Variants in ATP2C2 observed in about 807,000 individuals in gnomAD.
The protein encoded by ATP2C2 is ATPase secretory pathway Ca2+ transporting 2, also known as calcium-transporting ATPase type 2C member 2.
ATP2C2 carries 171 observed loss-of-function variants against 110.8 expected under a neutral mutation model. The observed-to-expected ratio is 1.54, with a 90% CI of 1.36 to 1.75. The LOEUF is 1.75. ATP2C2 is among the 40% of genes most tolerant of loss of function. ATP2C2 has a pLI of 0.00. For missense variants in ATP2C2, 1,963 were observed against 1,235.0 expected (o/e 1.59, Z -8.84); for synonymous variants, 804 against 508.4 (o/e 1.58, Z -7.82).
chr16:84,458,521 A>AC (rs1910913121), intron 21 of ATP2C2, among the ~76,000 whole-genome samples: 1 of 151,450 alleles, frequency 6.6e-6, no homozygotes, highest in Non-Finnish European at 1.5e-5. Context: ...TAAATAAAAA[A>AC]AAAGTCATAA....
intron 1 of ATP2C2, among the ~76,000 whole-genome samples, chr16:84,369,838 G>A (rs553981446): frequency 6.6e-6 from 1 of 152,330 alleles, no homozygotes; most frequent in Admixed American, 6.5e-5. Flanking sequence ...GTCTTAGGGT[G>A]GTAGGCCACA....
intron 11 of ATP2C2, among the ~76,000 whole-genome samples, chr16:84,437,330 A>C (rs1256861604): frequency 6.6e-6 from 1 of 151,872 alleles, no homozygotes; most frequent in African/African-American, 2.4e-5. Flanking sequence ...AGTAGCTGGG[A>C]TTATAGGTGC....
Position 84,388,355 on chromosome 16 carries a change from C to G in ATP2C2, c.100-10144C>G, listed in dbSNP as rs184073701. ...AAAAAGAAAGAAAAACTAGTATCAA[C>G]CTTTGAACACATCAGTCAGAGTCCT... On this transcript the variant is annotated intron_variant, in intron 1 of 26. Transcript: ENST00000262429. 4.9e-4 allele frequency among the ~76,000 whole-genome samples: 75 copies of G among 152,122 alleles called. 1 individual carries two copies. Among genetic ancestry groups the G allele is most frequent in the African/African-American group, 1.7e-3 (69 of 41,498 alleles).
chr16:84,420,349 C>G (rs1379846062), intron 7 of ATP2C2, among the ~76,000 whole-genome samples: 1 of 152,112 alleles, frequency 6.6e-6, no homozygotes, highest in East Asian at 1.9e-4. Context: ...CCCATCAGTC[C>G]AAACCCACAC....
chr16:84,370,220 T>C (rs1387153137), intron 1 of ATP2C2, among the ~76,000 whole-genome samples: 1 of 152,206 alleles, frequency 6.6e-6, no homozygotes, highest in Non-Finnish European at 1.5e-5. Flanking sequence ...TCCAAAGCTT[T>C]GCAGGAGAGT....
chr16:84,383,013 A>C (rs1198521581), intron 1 of ATP2C2, among the ~76,000 whole-genome samples: 1 of 152,072 alleles, frequency 6.6e-6, no homozygotes, highest in Non-Finnish European at 1.5e-5. Flanking sequence ...AAGAGTCTAC[A>C]GCTGGAGACA....
intron 21 of ATP2C2, among the ~76,000 whole-genome samples, 187 bp downstream of exon 21, chr16:84,455,171 G>A (rs1310037109): frequency 6.6e-6 from 1 of 152,066 alleles, no homozygotes; most frequent in Non-Finnish European, 1.5e-5. Flanking sequence ...TCATAGCAGG[G>A]TCATGGGGTC....
At chr16:84,371,496 C>A (rs768617140) in intron 1 of ATP2C2, among the ~76,000 whole-genome samples, 11 of 152,268 alleles carry the variant, frequency 7.2e-5, no homozygotes, top group Non-Finnish European at 1.6e-4. Context: ...CAGAGTGAGA[C>A]CCTGTCTCAA....
chr16:84,404,437 A>C (rs1905570366), intron 2 of ATP2C2: 1 of 161,532 alleles, frequency 6.2e-6, no homozygotes, highest in Non-Finnish European at 1.4e-5. Context: ...GAATCAACAG[A>C]ATTTGTCTTT....
chr16:84,444,427 C>G (rs1199761317), intron 15 of ATP2C2, among the ~76,000 whole-genome samples: 1 of 152,120 alleles, frequency 6.6e-6, no homozygotes, highest in East Asian at 1.9e-4. Context: ...GAGCCGAGAT[C>G]GTACCATTGC....
At chr16:84,413,039 A>G (rs974340389) in intron 6 of ATP2C2, among the ~76,000 whole-genome samples, 1 of 151,580 alleles carries the variant, frequency 6.6e-6, no homozygotes, top group Non-Finnish European at 1.5e-5. Flanking sequence ...TGGAGGTTGC[A>G]GTGAGCCAAG....
chr16:84,395,813 T>C (rs1184250627), intron 1 of ATP2C2, among the ~76,000 whole-genome samples: 2 of 152,210 alleles, frequency 1.3e-5, no homozygotes, highest in African/African-American at 2.4e-5. Context: ...TTCTTCTGGA[T>C]TTTTATTGTG....
chr16:84,425,412 G>A (rs1459034759), intron 10 of ATP2C2, among the ~76,000 whole-genome samples: 1 of 152,214 alleles, frequency 6.6e-6, no homozygotes, highest in East Asian at 1.9e-4. Flanking sequence ...AACACCACAT[G>A]GGGGGATGTT....
Position 84,410,594 on chromosome 16 carries a change from C to G in ATP2C2, c.444C>G (p.Ala148=), listed in dbSNP as rs770275511. 7 of 1,614,020 alleles carry G rather than the reference C, an allele frequency of 4.3e-6. No homozygotes were observed. The East Asian group carries it at 1.6e-4, about 36-fold the overall frequency. The part of the protein sequence containing the change: ...ATAVLVVVTV[A]FIQEYRSEKS... Reference sequence around the variant, plus strand: ...CAGTGCTTGTCGTGGTCACTGTCGCCTTCATCCAGGTGAGTATTTCCTGAG... The same window carrying G: ...CAGTGCTTGTCGTGGTCACTGTCGCGTTCATCCAGGTGAGTATTTCCTGAG... The change falls in exon 5 of 27, where the codon GCC becomes GCG. Residue 148 remains alanine, a synonymous_variant. Coordinates refer to ENST00000262429, the MANE Select transcript of ATP2C2 (RefSeq NM_014861.4).
intron 11 of ATP2C2, among the ~76,000 whole-genome samples, chr16:84,436,061 G>A (rs1908709962): frequency 6.6e-6 from 1 of 151,342 alleles, no homozygotes; most frequent in African/African-American, 2.4e-5. Flanking sequence ...GCTGGGGGGT[G>A]GATGTTGCAG....
At chr16:84,395,188 G>C (rs960667139) in intron 1 of ATP2C2, among the ~76,000 whole-genome samples, 16 of 152,158 alleles carry the variant, frequency 1.1e-4, no homozygotes, top group African/African-American at 3.6e-4. Context: ...GGAAGTCGGA[G>C]GCTGGGTCCT....
chr16:84,415,444 C>T, intron 6 of ATP2C2, 39 bp from the exon 7 acceptor site: 2 of 1,544,014 alleles, frequency 1.3e-6, no homozygotes, highest in Non-Finnish European at 1.8e-6. Flanking sequence ...AAACAAATGT[C>T]AGCATGGATG....
At chr16:84,452,697 C>A (rs1041961744) in intron 18 of ATP2C2, among the ~76,000 whole-genome samples, 1 of 152,078 alleles carries the variant, frequency 6.6e-6, no homozygotes, top group African/African-American at 2.4e-5. Context: ...CGGGGTTTCA[C>A]TGTGTTGCCC....
chr16:84,375,542 A>G (rs1184287725), intron 1 of ATP2C2, among the ~76,000 whole-genome samples: 1 of 54,196 alleles, frequency 1.8e-5, no homozygotes. Context: ...CTCTGTCTCA[A>G]AAAAAAAAAA....
Sources: gnomAD v4.1 joint callset for allele counts (sites outside exome capture counted in the v4.1 genomes callset) on GRCh38, gnomAD v4.1.1 for gene constraint, MANE v1.5 for transcripts, NCBI Gene and HGNC (gene_info 2026-07-23, HGNC 2026-07-21) for gene names.